C1orf21: variants seen among roughly 807,000 people sequenced by gnomAD.
The protein encoded by C1orf21 is uncharacterized protein C1orf21.
C1orf21 carries 3 observed loss-of-function variants against 18.7 expected under a neutral mutation model. The ratio of observed to expected loss-of-function variants is 0.16; its 90% CI spans 0.07 to 0.42. The LOEUF is 0.42. Ranked by LOEUF, C1orf21 falls within the 10% of genes least tolerant of loss-of-function variation. The pLI, the probability that C1orf21 is intolerant of heterozygous loss-of-function variation, is 0.99. For synonymous variants in C1orf21, 41 were observed against 46.4 expected (o/e 0.88, Z 0.47); for missense variants, 104 against 143.6 (o/e 0.72, Z 1.41).
At chr1:184,564,172 A>G (rs972076894) in intron 3 of C1orf21, among the ~76,000 whole-genome samples, 21 of 152,220 alleles carry the variant, frequency 1.4e-4, no homozygotes, top group African/African-American at 5.1e-4. Context: ...CTCATTTCTA[A>G]CTAGAAGTAA....
chr1:184,414,635 C>A (rs568660875), intron 1 of C1orf21, among the ~76,000 whole-genome samples: 266 of 152,076 alleles, frequency 1.7e-3, no homozygotes, highest in Non-Finnish European at 2.5e-3. Context: ...ATTAGAAAGA[C>A]AAAATCAGAC....
intron 3 of C1orf21, among the ~76,000 whole-genome samples, chr1:184,565,427 G>A (rs909078129): frequency 6.6e-6 from 1 of 152,170 alleles, no homozygotes; most frequent in Non-Finnish European, 1.5e-5. Context: ...AACATTAAGT[G>A]GCAGAGTCTA....
At chr1:184,411,865 G>T (rs892548623) in intron 1 of C1orf21, among the ~76,000 whole-genome samples, 1 of 151,962 alleles carries the variant, frequency 6.6e-6, no homozygotes, top group African/African-American at 2.4e-5. Flanking sequence ...ATGCTCTCCT[G>T]GTGCTAATAT....
Position 184,387,048 on chromosome 1 carries a change from T to G in C1orf21, c.-445T>G, listed in dbSNP as rs998967747. 1 of 151,160 alleles carries G rather than the reference T, an allele frequency of 6.6e-6. No individual in the cohort carries two copies. Among genetic ancestry groups the G allele is most frequent in the Non-Finnish European group, 1.5e-5 (1 of 67,712 alleles). 9.4% of individuals were successfully genotyped at this position (151,160 alleles called of 1,614,324 possible). A position where few individuals can be genotyped will look rare whatever the true frequency, so the allele number is the denominator to read the frequency against. The stretch of plus-strand genomic sequence containing the variant: ...TCGCTCGCTCCTCGCAAGCTCCCGC[T>G]CGCTCCCTGCCCACTCCCGGGGGGA... On this transcript the variant is annotated 5_prime_UTR_variant, in exon 1 of 6. Transcript: ENST00000235307. The surrounding 1 kb of genome is among the most constrained non-coding windows in gnomAD (Gnocchi z 5.6).
At chr1:184,431,302 A>T (rs1195145136) in intron 1 of C1orf21, among the ~76,000 whole-genome samples, 2 of 152,236 alleles carry the variant, frequency 1.3e-5, no homozygotes, top group Non-Finnish European at 2.9e-5. Context: ...CAGAGGCCTC[A>T]GAAATAACGC....
At chr1:184,429,011 T>A (rs1656689225) in intron 1 of C1orf21, among the ~76,000 whole-genome samples, 1 of 152,092 alleles carries the variant, frequency 6.6e-6, no homozygotes, top group Non-Finnish European at 1.5e-5. Flanking sequence ...TACCCCTGGC[T>A]CCATCCCCCA....
intron 3 of C1orf21, 103 bp from the exon 4 acceptor site, chr1:184,590,636 A>C: frequency 1.8e-6 from 2 of 1,114,122 alleles, no homozygotes; most frequent in Non-Finnish European, 2.7e-6. Context: ...GCCGTAGTAT[A>C]GGGCCCCAAA....
At chr1:184,541,152 G>A (rs1658644666) in intron 3 of C1orf21, among the ~76,000 whole-genome samples, 1 of 152,176 alleles carries the variant, frequency 6.6e-6, no homozygotes, top group Non-Finnish European at 1.5e-5. Flanking sequence ...TGTTGTCTGT[G>A]ACATCTGGCC....
At chr1:184,413,573 C>T (rs1037970321) in intron 1 of C1orf21, among the ~76,000 whole-genome samples, 2 of 152,174 alleles carry the variant, frequency 1.3e-5, no homozygotes, top group Non-Finnish European at 2.9e-5. Flanking sequence ...TCTGGTCAGA[C>T]CTGACTGCAC....
chr1:184,611,883 G>A (rs1440234855), intron 5 of C1orf21, among the ~76,000 whole-genome samples: 1 of 152,056 alleles, frequency 6.6e-6, no homozygotes, highest in Admixed American at 6.5e-5. Flanking sequence ...AGGATGTGGA[G>A]TAAAAAACTG....
intron 3 of C1orf21, among the ~76,000 whole-genome samples, chr1:184,574,894 C>T (rs1406844873): frequency 1.3e-5 from 2 of 152,186 alleles, no homozygotes; most frequent in East Asian, 3.8e-4. Context: ...GTCACTATCC[C>T]GCATCCACAG....
rs578043748 is a variant in C1orf21, at chr1:184,398,235, A to ATGC, written c.-125+10868_-125+10870dup. 2.7e-3 allele frequency among the ~76,000 whole-genome samples: 409 copies of ATGC among 152,302 alleles called. 4 individuals are homozygous for ATGC. Among genetic ancestry groups the ATGC allele is most frequent in the African/African-American group, 8.7e-3 (361 of 41,566 alleles). On this transcript the variant is annotated intron_variant, in intron 1 of 5. Transcript: ENST00000235307. Reference sequence around the variant, plus strand: ...CTAGGTACTGTGCTGAGTACACGACATGCACTGTTCCTTTAATGCTTGCAG... The same window carrying ATGC: ...CTAGGTACTGTGCTGAGTACACGACATGCTGCACTGTTCCTTTAATGCTTGCAG...
At chr1:184,401,934 C>T (rs1050878127) in intron 1 of C1orf21, among the ~76,000 whole-genome samples, 9 of 151,728 alleles carry the variant, frequency 5.9e-5, no homozygotes, top group East Asian at 1.9e-4. Flanking sequence ...AGAACTAATG[C>T]GTGTTTTATA....
chr1:184,411,388 A>G (rs912917825), intron 1 of C1orf21, among the ~76,000 whole-genome samples: 26 of 150,788 alleles, frequency 1.7e-4, no homozygotes, highest in Non-Finnish European at 2.5e-4. Flanking sequence ...AGCCAACGTA[A>G]TGAAAAATTA....
chr1:184,538,746 T>TC lies in C1orf21; in HGVS notation c.189+31065dup, dbSNP rs1658598640. Among the ~76,000 whole-genome samples the TC allele has an allele frequency of 2.0e-5, 3 of 152,320 alleles. No homozygotes were observed. In the South Asian group the frequency reaches 6.2e-4, roughly 32 times the overall value. ...CCATTGAATGGTCTTGGCAACCTTG[T>TC]CAAAAATCATTTGACCATATATACA... On this transcript the variant is annotated intron_variant, in intron 3 of 5. Transcript: ENST00000235307.
At chr1:184,460,457 T>C (rs997675079) in intron 1 of C1orf21, among the ~76,000 whole-genome samples, 3 of 152,020 alleles carry the variant, frequency 2.0e-5, no homozygotes, top group Non-Finnish European at 2.9e-5. Context: ...TACTAATAGA[T>C]TTTTCTGTTT....
intron 1 of C1orf21, among the ~76,000 whole-genome samples, chr1:184,401,184 A>G (rs1656144492): frequency 6.6e-6 from 1 of 151,662 alleles, no homozygotes; most frequent in African/African-American, 2.4e-5. Flanking sequence ...GCCCATTTTT[A>G]TAGAATTGTG....
At chr1:184,388,103 A>G (rs1655915692) in intron 1 of C1orf21, among the ~76,000 whole-genome samples, 1 of 151,910 alleles carries the variant, frequency 6.6e-6, no homozygotes, top group Non-Finnish European at 1.5e-5. Context: ...TTTCCCTATC[A>G]TCCACCCTGC....
chr1:184,619,633 C>T lies in C1orf21; in HGVS notation c.*77C>T, dbSNP rs1659884726. On this transcript the variant is annotated 3_prime_UTR_variant, in exon 6 of 6. Coordinates refer to ENST00000235307, the MANE Select transcript of C1orf21 (RefSeq NM_030806.4). ...CCCCAGTTGAAATCTTTGCAAAGGT[C>T]GGTTCTATTCAGCGAACAGCACTAT... The T allele has an allele frequency of 4.3e-6, 6 of 1,407,714 alleles. No individual in the cohort carries two copies. The highest frequency in any genetic ancestry group is 2.3e-5 in the East Asian group (1 of 43,306). 87.2% of individuals were successfully genotyped at this position (1,407,714 alleles called of 1,614,324 possible).
Sources: gnomAD v4.1 joint callset for allele counts (sites outside exome capture counted in the v4.1 genomes callset) on GRCh38, gnomAD v4.1.1 for gene constraint, Gnocchi (gnomAD v3.1) non-coding constraint, MANE v1.5 for transcripts, NCBI Gene and HGNC (gene_info 2026-07-23, HGNC 2026-07-21) for gene names.